ATR: variants seen among roughly 807,000 people sequenced by gnomAD.
ATR encodes ATR checkpoint kinase.
A neutral mutation model predicts 305.3 loss-of-function variants in ATR; 142 were observed. That is an observed-to-expected ratio of 0.47 (90% confidence interval 0.41 to 0.53). The LOEUF (loss-of-function observed/expected upper bound fraction) is 0.53. ATR is among the 20% of genes least tolerant of loss of function. ATR has a pLI of 0.00. For missense variants in ATR, 2,135 were observed against 3,133.1 expected, an observed-to-expected ratio of 0.68 and a Z score of 7.60; for synonymous variants, 1,050 against 1,068.1, an observed-to-expected ratio of 0.98 and a Z score of 0.33.
rs903198365 is a variant in ATR, at chr3:142,452,004, A to G, written c.7761+1124T>C. The G allele has an allele frequency of 4.8e-6, 5 of 1,032,934 alleles. No individual in the cohort carries two copies. In the African/African-American group the frequency reaches 5.1e-5, roughly 11 times the overall value. 64.0% of individuals were successfully genotyped at this position (1,032,934 alleles called of 1,614,324 possible). ...AGACCATCTGCTCTTCAACTGCTAC[A>G]GAGTGAATTTTTCCACAATTCTGGA... On this transcript the variant is annotated intron_variant, in intron 46 of 46. Coordinates refer to ENST00000350721, the MANE Select transcript of ATR (RefSeq NM_001184.4).
At chr3:142,547,097 G>C (rs961653809) in intron 16 of ATR, among the ~76,000 whole-genome samples, 2 of 152,072 alleles carry the variant, frequency 1.3e-5, no homozygotes, top group African/African-American at 4.8e-5. Flanking sequence ...ACAAGAATAA[G>C]GGCAGTTGAA....
At chr3:142,544,621 C>CAAAAAAAAA (rs71153972) in intron 16 of ATR, among the ~76,000 whole-genome samples, 25 of 83,618 alleles carry the variant, frequency 3.0e-4, no homozygotes, top group Non-Finnish European at 4.9e-4. Flanking sequence ...AAGAAAGGAG[C>CAAAAAAAAA]AAAAAAAAAA....
intron 22 of ATR, among the ~76,000 whole-genome samples, chr3:142,523,196 C>T (rs775071413): frequency 6.6e-6 from 1 of 151,968 alleles, no homozygotes; most frequent in Non-Finnish European, 1.5e-5. Flanking sequence ...CCAAGGAGAG[C>T]GGATCATGAG....
Position 142,560,423 on chromosome 3 carries a change from T to G in ATR, c.1381A>C (p.Ile461Leu). 6.2e-7 allele frequency: 1 copy of G among 1,613,406 alleles called. No homozygotes were observed. Among genetic ancestry groups the G allele is most frequent in the Middle Eastern group, 1.7e-4 (1 of 6,058 alleles). The change falls in exon 6 of 47, where the codon ATA becomes CTA. Residue 461 changes from isoleucine (I) to leucine (L), a missense_variant. By Grantham distance (5) the Ile-to-Leu change is conservative (BLOSUM62 2). Coordinates refer to ENST00000350721, the MANE Select transcript of ATR (RefSeq NM_001184.4). The stretch of plus-strand genomic sequence containing the variant: ...TTCTGTTTCAGTGCACTCCATAATA[T>G]GCTCTTTTGGTTCATGTCCACATGT... ...IKHVDMNQKS[I>L]LWSALKQKAE...
intron 39 of ATR, among the ~76,000 whole-genome samples, chr3:142,467,638 T>C (rs2071161259): frequency 1.3e-5 from 2 of 152,178 alleles, no homozygotes; most frequent in Admixed American, 1.3e-4. Flanking sequence ...TTATGGCTTA[T>C]TTCATATTCT....
chr3:142,515,567 T>C (rs764563373), intron 24 of ATR, 52 bp from the exon 25 acceptor site: 1 of 1,527,638 alleles, frequency 6.5e-7, no homozygotes. Flanking sequence ...CTGTTTAGAA[T>C]TTTAGTAAAT....
At chr3:142,518,739 T>C (rs1014769993) in intron 24 of ATR, among the ~76,000 whole-genome samples, 2 of 152,178 alleles carry the variant, frequency 1.3e-5, no homozygotes, top group African/African-American at 4.8e-5. Context: ...AGAAGTTATT[T>C]GTCCAAAGTC....
intron 18 of ATR, among the ~76,000 whole-genome samples, chr3:142,540,393 C>T (rs2034007646): frequency 1.3e-5 from 2 of 152,082 alleles, no homozygotes; most frequent in Admixed American, 1.3e-4. Context: ...TCATATACAA[C>T]ATAATATATA....
rs1485392394 is a variant in ATR, at chr3:142,560,322, A to G, written c.1482T>C (p.Ala494=). ...ACAGAGCAGTCAGTTGTAAGACAAC[A>G]GCAATTCCTTCTAACATCTCAATAA... The part of the protein sequence containing the change: ...NPVIEMLEGI[A]VVLQLTALCT... The change falls in exon 6 of 47, where the codon GCT becomes GCC. Residue 494 remains alanine, a synonymous_variant. Coordinates refer to ENST00000350721, the MANE Select transcript of ATR (RefSeq NM_001184.4). 1.1e-5 allele frequency: 18 copies of G among 1,613,850 alleles called. No homozygotes were observed. Among genetic ancestry groups the G allele is most frequent in the Non-Finnish European group, 1.5e-5 (18 of 1,179,916 alleles).
intron 44 of ATR, among the ~76,000 whole-genome samples, chr3:142,458,007 A>C (rs1021682466): frequency 6.6e-6 from 1 of 152,246 alleles, no homozygotes; most frequent in Non-Finnish European, 1.5e-5. Flanking sequence ...TGAGTTTAGT[A>C]CAGTGAATAA....
At chr3:142,487,714 A>C (rs907298024) in intron 35 of ATR, among the ~76,000 whole-genome samples, 1 of 152,156 alleles carries the variant, frequency 6.6e-6, no homozygotes, top group Admixed American at 6.5e-5. Context: ...AATATCTTCT[A>C]ATCTGTAGGT....
intron 39 of ATR, 97 bp downstream of exon 39, chr3:142,467,834 AGTT>A (rs1363340173): frequency 5.1e-6 from 7 of 1,383,840 alleles, no homozygotes; most frequent in Non-Finnish European, 6.9e-6. Context: ...GTACACCTAT[AGTT>A]AGAATTTTAA....
intron 44 of ATR, 58 bp from the exon 45 acceptor site, chr3:142,457,813 T>G: frequency 6.4e-7 from 1 of 1,574,660 alleles, no homozygotes; most frequent in Non-Finnish European, 8.7e-7. Context: ...AAATCTTTAC[T>G]CAAAGAACTT....
At chr3:142,487,010 T>C (rs560625829) in intron 35 of ATR, among the ~76,000 whole-genome samples, 1 of 148,698 alleles carries the variant, frequency 6.7e-6, no homozygotes, top group South Asian at 2.1e-4. Flanking sequence ...CAGGCGCCTG[T>C]AGTCCCAGCT....
At chr3:142,468,376 A>G (rs2108276945) in intron 38 of ATR, among the ~76,000 whole-genome samples, 1 of 152,224 alleles carries the variant, frequency 6.6e-6, no homozygotes, top group East Asian at 1.9e-4. Flanking sequence ...TTAACTAAAC[A>G]GTTAAATAAG....
At chr3:142,568,202 A>T in intron 1 of ATR, 48 bp from the exon 2 acceptor site, 1 of 1,492,058 alleles carries the variant, frequency 6.7e-7, no homozygotes, top group South Asian at 1.2e-5. Context: ...ACTCAGTTTC[A>T]TTTGCAAAAA....
rs2108396109 is a variant in ATR at position 142,522,818 on chromosome 3, A to G, written c.4176T>C (p.Phe1392=). The G allele has an allele frequency of 6.2e-7, 1 of 1,613,522 alleles. No homozygotes were observed. The highest frequency in any genetic ancestry group is 1.1e-5 in the South Asian group (1 of 91,062). Residue 1392 remains phenylalanine (F), a synonymous_variant, in exon 23 of 47, where the codon TTT becomes TTC. Transcript: ENST00000350721. The part of the protein sequence containing the change: ...TFVTGVEDSS[F]AYGLLMELTR... ...TTAGCTCCATCAATAATCCATAGGC[A>G]AAGCTTGAATCTTCTACTCCAGTCT... is the stretch of plus-strand genomic sequence containing the variant.
At chr3:142,473,830 C>A (rs190511526) in intron 36 of ATR, among the ~76,000 whole-genome samples, 1 of 151,948 alleles carries the variant, frequency 6.6e-6, no homozygotes, top group Non-Finnish European at 1.5e-5. Context: ...TGAGCCACCA[C>A]GCCCGGCCAG....
At position 142,515,448 on chromosome 3, in the gene ATR, C is replaced by T. The variant is rs753955358; in HGVS notation, c.4450G>A (p.Gly1484Ser). The T allele has an allele frequency of 7.7e-5, 125 of 1,613,486 alleles. No individual in the cohort carries two copies. Among genetic ancestry groups the T allele is most frequent in the Non-Finnish European group, 1.0e-4 (121 of 1,179,676 alleles). Residue 1484 changes from glycine to serine, a missense_variant, in exon 25 of 47, where the codon GGT becomes AGT. Coordinates refer to ENST00000350721, the MANE Select transcript of ATR (RefSeq NM_001184.4). Reference sequence around the variant, plus strand: ...GCTGACCATTCTGCAAAGTTACTACCCAATTTACTTAAGTAAATTGGCTTC... The same window carrying T: ...GCTGACCATTCTGCAAAGTTACTACTCAATTTACTTAAGTAAATTGGCTTC... The part of the protein sequence containing the change: ...VKKPIYLSKL[G>S]SNFAEWSASW...
Sources: gnomAD v4.1 joint callset for allele counts (sites outside exome capture counted in the v4.1 genomes callset) on GRCh38, gnomAD v4.1.1 for gene constraint, MANE v1.5 for transcripts, NCBI Gene and HGNC (gene_info 2026-07-23, HGNC 2026-07-21) for gene names.